SLC24A3: variants seen among roughly 807,000 people sequenced by gnomAD.
SLC24A3 encodes solute carrier family 24 member 3.
Under a neutral mutation model 75.8 loss-of-function variants are expected in SLC24A3, and 28 were observed. The observed-to-expected ratio is 0.37, with a 90% CI of 0.27 to 0.51. SLC24A3 has a LOEUF of 0.51. Ranked by LOEUF, SLC24A3 falls within the 20% of genes least tolerant of loss-of-function variation. The pLI is 0.94. For synonymous variants in SLC24A3, 372 were observed against 334.1 expected, an observed-to-expected ratio of 1.11 and a Z score of -1.24; for missense variants, 663 against 847.8, an observed-to-expected ratio of 0.78 and a Z score of 2.71.
At chr20:19,303,997 T>G (rs2122249894) in intron 2 of SLC24A3, among the ~76,000 whole-genome samples, 1 of 152,244 alleles carries the variant, frequency 6.6e-6, no homozygotes, top group South Asian at 2.1e-4. Flanking sequence ...TGACCTTATC[T>G]CCTAGCTTCG....
chr20:19,343,598 A>G (rs1272825267), intron 2 of SLC24A3, among the ~76,000 whole-genome samples: 1 of 152,124 alleles, frequency 6.6e-6, no homozygotes, highest in East Asian at 1.9e-4. Context: ...GTAATACTTC[A>G]TGGAGTACAG....
At chr20:19,615,902 C>G (rs1049572713) in intron 6 of SLC24A3, among the ~76,000 whole-genome samples, 2 of 152,314 alleles carry the variant, frequency 1.3e-5, no homozygotes, top group Non-Finnish European at 2.9e-5. Flanking sequence ...GGCTTTTGGA[C>G]TCAGACTGAG....
chr20:19,225,819 TTGTC>T lies in SLC24A3; in HGVS notation c.142+12840_142+12843del, dbSNP rs540155701. 3.3e-3 allele frequency among the ~76,000 whole-genome samples: 498 copies of T among 152,336 alleles called. 3 individuals carry two copies. The highest frequency in any genetic ancestry group is 3.9e-3 in the Non-Finnish European group (263 of 68,014). The stretch of plus-strand genomic sequence containing the variant: ...TTCCACTATACAGATGTACAATAGT[TTGTC>T]TGTCCATTTAATGTTGAAGAACATT... On this transcript the variant is annotated intron_variant, in intron 1 of 16. Coordinates refer to ENST00000328041, the MANE Select transcript of SLC24A3 (RefSeq NM_020689.4).
chr20:19,255,113 T>G (rs1982773955), intron 1 of SLC24A3, among the ~76,000 whole-genome samples: 2 of 152,220 alleles, frequency 1.3e-5, no homozygotes, highest in South Asian at 4.1e-4. Context: ...AGAAGTTCAC[T>G]GACTGTCATT....
chr20:19,233,121 C>G (rs952361629), intron 1 of SLC24A3, among the ~76,000 whole-genome samples: 4 of 152,192 alleles, frequency 2.6e-5, no homozygotes, highest in African/African-American at 9.7e-5. Context: ...GACTGTTCCT[C>G]TGATAACAAA....
rs558028218 is a variant in SLC24A3 at position 19,521,318 on chromosome 20, T to A, written c.348+5754T>A. 8.5e-5 allele frequency among the ~76,000 whole-genome samples: 13 copies of A among 152,320 alleles called. No individual in the cohort carries two copies. The South Asian group carries it at 2.5e-3, about 29-fold the overall frequency. On this transcript the variant is annotated intron_variant, in intron 3 of 16. Coordinates refer to ENST00000328041, the MANE Select transcript of SLC24A3 (RefSeq NM_020689.4). ...AGAAGTCTCTAATTATTGGGCCAGC[T>A]CATACTTTTCCTGCCTGGCCATGGG...
intron 2 of SLC24A3, among the ~76,000 whole-genome samples, chr20:19,364,887 A>T (rs1177347804): frequency 6.6e-6 from 1 of 152,170 alleles, no homozygotes; most frequent in African/African-American, 2.4e-5. Flanking sequence ...CCTACCAGAA[A>T]AGTAGGCACG....
In SLC24A3 at chr20:19,587,729, G is replaced by A. The variant is rs185328558; in HGVS notation, c.612+2185G>A. Among the ~76,000 whole-genome samples, 4 of 152,330 alleles carry A rather than the reference G, an allele frequency of 2.6e-5. No homozygotes were observed. In the East Asian group the frequency reaches 7.7e-4, roughly 29 times the overall value. ...CATTTTCTGGCTGTGGAACCCTGGA[G>A]AAGTTACTTATGTTCTCAAAGCCTC... On this transcript the variant is annotated intron_variant, in intron 6 of 16. Transcript: ENST00000328041.
intron 3 of SLC24A3, among the ~76,000 whole-genome samples, chr20:19,550,990 C>CTGCATCTTT (rs1267762945): frequency 6.6e-6 from 1 of 152,230 alleles, no homozygotes; most frequent in African/African-American, 2.4e-5. Context: ...CACATGGACT[C>CTGCATCTTT]TGCATCTTTA....
chr20:19,473,705 C>T (rs1987913190), intron 2 of SLC24A3, among the ~76,000 whole-genome samples: 1 of 152,252 alleles, frequency 6.6e-6, no homozygotes, highest in African/African-American at 2.4e-5. Flanking sequence ...ATACCAGACT[C>T]TCTCAGGGAC....
At chr20:19,431,353 G>A (rs1343894847) in intron 2 of SLC24A3, among the ~76,000 whole-genome samples, 2 of 152,154 alleles carry the variant, frequency 1.3e-5, no homozygotes, top group African/African-American at 4.8e-5. Flanking sequence ...AAGTGAAGGA[G>A]GGAGAGAGGG....
At chr20:19,445,839 G>A (rs1377315141) in intron 2 of SLC24A3, among the ~76,000 whole-genome samples, 1 of 152,130 alleles carries the variant, frequency 6.6e-6, no homozygotes, top group Non-Finnish European at 1.5e-5. Context: ...GTCCACCAAC[G>A]ACATCTGCCC....
At chr20:19,619,851 C>T (rs530474555) in intron 6 of SLC24A3, among the ~76,000 whole-genome samples, 6 of 152,154 alleles carry the variant, frequency 3.9e-5, no homozygotes, top group Admixed American at 1.3e-4. Context: ...GATGGCCGTG[C>T]GGGTAAAAAG....
intron 6 of SLC24A3, among the ~76,000 whole-genome samples, chr20:19,592,236 G>C (rs764546379): frequency 6.6e-6 from 1 of 152,140 alleles, no homozygotes; most frequent in Non-Finnish European, 1.5e-5. Flanking sequence ...TTTTTAACAG[G>C]CTTCTTTGCC....
chr20:19,567,276 T>A (rs1226518554), intron 3 of SLC24A3, among the ~76,000 whole-genome samples: 1 of 152,214 alleles, frequency 6.6e-6, no homozygotes, highest in Non-Finnish European at 1.5e-5. Flanking sequence ...TCAACTTAAA[T>A]GTCCATCAAC....
At chr20:19,416,241 C>G (rs979079727) in intron 2 of SLC24A3, among the ~76,000 whole-genome samples, 2 of 152,156 alleles carry the variant, frequency 1.3e-5, no homozygotes, top group South Asian at 4.1e-4. Context: ...AACACAAAAA[C>G]AAAAACAACA....
intron 3 of SLC24A3, among the ~76,000 whole-genome samples, chr20:19,563,267 C>A (rs1048272631): frequency 2.0e-5 from 3 of 152,098 alleles, no homozygotes; most frequent in African/African-American, 7.2e-5. Context: ...TAAAATTCAA[C>A]AGTGTGTGGT....
intron 6 of SLC24A3, among the ~76,000 whole-genome samples, chr20:19,629,740 G>A (rs930875851): frequency 1.3e-5 from 2 of 152,166 alleles, no homozygotes; most frequent in African/African-American, 4.8e-5. Context: ...AGAATGGATT[G>A]GGATGATATA....
intron 1 of SLC24A3, among the ~76,000 whole-genome samples, chr20:19,255,362 A>G (rs568709859): frequency 7.8e-4 from 119 of 152,322 alleles, no homozygotes; most frequent in African/African-American, 2.9e-3. Flanking sequence ...GGCTGTCCCA[A>G]TCCTTGTCCC....
Sources: allele counts gnomAD v4.1 joint callset (sites outside exome capture counted in the v4.1 genomes callset), GRCh38; gene constraint gnomAD v4.1.1; transcripts MANE v1.5; gene names NCBI Gene and HGNC (gene_info 2026-07-23, HGNC 2026-07-21).